The following MTCL1 variants were observed in gnomAD, a reference collection of about 807,000 sequenced individuals.
The protein encoded by MTCL1 is microtubule crosslinking factor 1, also known as microtubule cross-linking factor 1.
Under a neutral mutation model 141.4 loss-of-function variants are expected in MTCL1, and 79 were observed. The ratio of observed to expected loss-of-function variants is 0.56; its 90% CI spans 0.47 to 0.67. The LOEUF is 0.67. MTCL1 is among the 30% of genes least tolerant of loss of function. MTCL1 has a pLI of 0.00. For missense variants in MTCL1, 2,177 were observed against 2,113.9 expected, an observed-to-expected ratio of 1.03 and a Z score of -0.59; for synonymous variants, 914 against 875.8, an observed-to-expected ratio of 1.04 and a Z score of -0.77.
exon 6 of MTCL1, chr18:8,784,078 G>T (rs1360798843): frequency 6.2e-7 from 1 of 1,613,426 alleles, no homozygotes; most frequent in East Asian, 2.2e-5. Context: ...GGCTAGGAGA[G>T]GGTGCAAGTC....
chr18:8,708,827 A>G (rs1434493089), intron 1 of MTCL1, among the ~76,000 whole-genome samples: 2 of 152,154 alleles, frequency 1.3e-5, no homozygotes, highest in Admixed American at 1.3e-4. Context: ...TACTGTGGAG[A>G]AGGTGTCACT....
At chr18:8,798,790 A>G (rs2076015452) in intron 10 of MTCL1, among the ~76,000 whole-genome samples, 1 of 152,240 alleles carries the variant, frequency 6.6e-6, no homozygotes, top group Admixed American at 6.5e-5. Flanking sequence ...CTTCAGTGTT[A>G]TTAAGTAGCT....
intron 10 of MTCL1, among the ~76,000 whole-genome samples, chr18:8,805,826 G>A (rs1052923762): frequency 2.0e-5 from 3 of 152,184 alleles, no homozygotes; most frequent in Non-Finnish European, 4.4e-5. Flanking sequence ...CGTGCTGGTT[G>A]GAAGAGATGG....
chr18:8,714,711 A>T (rs961271597), upstream of MTCL1, among the ~76,000 whole-genome samples: 3 of 152,192 alleles, frequency 2.0e-5, no homozygotes, highest in African/African-American at 7.2e-5. Flanking sequence ...CTCCTGTGAC[A>T]CGTGAGGATT....
intron 10 of MTCL1, among the ~76,000 whole-genome samples, chr18:8,804,969 A>G (rs1432163202): frequency 7.0e-6 from 1 of 143,028 alleles, no homozygotes; most frequent in East Asian, 2.1e-4. Flanking sequence ...CCTGGGTGAC[A>G]GAGCGAGACC....
intron 6 of MTCL1, among the ~76,000 whole-genome samples, 183 bp downstream of exon 5, chr18:8,785,026 T>G (rs1365505820): frequency 2.6e-5 from 4 of 151,930 alleles, no homozygotes; most frequent in Admixed American, 1.3e-4. Context: ...TTTTTGTTTT[T>G]TTTTTTTTTA....
chr18:8,760,005 G>A (rs1205398622), intron 4 of MTCL1, among the ~76,000 whole-genome samples: 2 of 152,154 alleles, frequency 1.3e-5, no homozygotes, highest in East Asian at 1.9e-4. Context: ...GGTCAGAAGC[G>A]ACTCCAGCTG....
At chr18:8,741,434 T>C (rs571099542) in intron 4 of MTCL1, among the ~76,000 whole-genome samples, 3 of 152,314 alleles carry the variant, frequency 2.0e-5, no homozygotes, top group African/African-American at 7.2e-5. Flanking sequence ...CTTGAGAGTG[T>C]TTAAAGGATG....
At chr18:8,820,900 A>G (rs1598805668) in intron 13 of MTCL1, among the ~76,000 whole-genome samples, 1 of 152,362 alleles carries the variant, frequency 6.6e-6, no homozygotes, top group Non-Finnish European at 1.5e-5. Context: ...GTTCTCTACA[A>G]ACACAGCTAT....
chr18:8,786,118 C>T, intron 7 of MTCL1, 27 bp downstream of exon 6: 2 of 1,400,604 alleles, frequency 1.4e-6, no homozygotes, highest in Non-Finnish European at 1.9e-6. Flanking sequence ...AATCCCCCCC[C>T]CCCGCCCTCC....
intron 4 of MTCL1, among the ~76,000 whole-genome samples, chr18:8,730,830 G>A (rs1166648994): frequency 6.6e-6 from 1 of 152,204 alleles, no homozygotes; most frequent in Non-Finnish European, 1.5e-5. Context: ...CCTTCTCTAA[G>A]ACAGCCTTTC....
chr18:8,824,669 T>G (rs1598819135), intron 14 of MTCL1, 30 bp from the exon 14 acceptor site: 1 of 1,571,846 alleles, frequency 6.4e-7, no homozygotes. Flanking sequence ...CCCTGGCAGG[T>G]ACTGACACCC....
At chr18:8,718,435 T>A in exon 3 of MTCL1, 3 of 1,614,194 alleles carry the variant, frequency 1.9e-6, no homozygotes, top group Non-Finnish European at 2.5e-6. Flanking sequence ...ATGAGTTAGA[T>A]GAACTCCGTG....
chr18:8,709,960 C>T (rs572948664), intron 1 of MTCL1, among the ~76,000 whole-genome samples: 65 of 152,148 alleles, frequency 4.3e-4, no homozygotes, highest in Non-Finnish European at 6.3e-4. Context: ...CTGCCTCAGC[C>T]TCCGGAGTAG....
chr18:8,800,817 C>T (rs1428936801), intron 10 of MTCL1: 2 of 151,878 alleles, frequency 1.3e-5, no homozygotes, highest in Non-Finnish European at 2.9e-5. Context: ...GGGGTGCCAA[C>T]AGCTTGTTTT....
At chr18:8,728,106 C>G (rs1166318270) in intron 4 of MTCL1, among the ~76,000 whole-genome samples, 3 of 152,142 alleles carry the variant, frequency 2.0e-5, no homozygotes, top group African/African-American at 7.2e-5. Flanking sequence ...CAAATCTTGT[C>G]TTTCATATGT....
At chr18:8,785,507 G>A (rs1807612511) in intron 6 of MTCL1, among the ~76,000 whole-genome samples, 1 of 152,198 alleles carries the variant, frequency 6.6e-6, no homozygotes. Flanking sequence ...TGGGTGCATG[G>A]CCCAGCTGCC....
chr18:8,813,720 G>C (rs527396227), intron 12 of MTCL1, among the ~76,000 whole-genome samples: 1 of 152,320 alleles, frequency 6.6e-6, no homozygotes, highest in African/African-American at 2.4e-5. Context: ...GAGTGTTCCT[G>C]CTGTGGATAT....
In MTCL1 at chr18:8,822,073, C is replaced by T. The variant is rs537049795; in HGVS notation, c.3188+575C>T. On this transcript the variant is annotated intron_variant, in intron 14 of 16. Coordinates refer to ENST00000359865, the Ensembl canonical transcript of MTCL1. This position sits in a 1 kb window ranked among gnomAD's most constrained non-coding sequence, Gnocchi z 4.6. Reference sequence around the variant, plus strand: ...TGAAATTTCTTCTCAGGCAATTCAGCATTTCCAGATCGCCTCATCCTTGAT... The same window carrying T: ...TGAAATTTCTTCTCAGGCAATTCAGTATTTCCAGATCGCCTCATCCTTGAT... Among the ~76,000 whole-genome samples the T allele has an allele frequency of 6.6e-6, 1 of 152,332 alleles. No homozygotes were observed. The highest frequency in any genetic ancestry group is 2.4e-5 in the African/African-American group (1 of 41,580).
Sources: allele counts gnomAD v4.1 joint callset (sites outside exome capture counted in the v4.1 genomes callset), GRCh38; gene constraint gnomAD v4.1.1; non-coding constraint Gnocchi (gnomAD v3.1); transcripts MANE v1.5; gene names NCBI Gene and HGNC (gene_info 2026-07-23, HGNC 2026-07-21).